The following DMC1 variants were observed in gnomAD, a reference collection of about 807,000 sequenced individuals.
The protein encoded by DMC1 is meiotic recombination protein DMC1 homolog.
DMC1 carries 27 observed loss-of-function variants against 50.1 expected under a neutral mutation model. The observed-to-expected ratio is 0.54, with a 90% CI of 0.40 to 0.74. DMC1 has a LOEUF of 0.74. DMC1 is among the 30% of genes least tolerant of loss of function. The pLI is 0.00. For synonymous variants in DMC1, 148 were observed against 136.1 expected, an observed-to-expected ratio of 1.09 and a Z score of -0.61; for missense variants, 295 against 420.2, an observed-to-expected ratio of 0.70 and a Z score of 2.60.
intron 8 of DMC1, among the ~76,000 whole-genome samples, chr22:38,548,507 C>T (rs796437621): frequency 1.3e-5 from 2 of 152,064 alleles, no homozygotes; most frequent in African/African-American, 4.8e-5. Context: ...CCTGGGAGTT[C>T]GAGTCTGCAG....
chr22:38,568,369 TAGAAGGACAG>T, intron 1 of DMC1, 80 bp from the exon 2 acceptor site: 1 of 1,028,106 alleles, frequency 9.7e-7, no homozygotes, highest in Non-Finnish European at 1.5e-6. Context: ...CAACAAGGAC[TAGAAGGACAG>T]TAAGAGAAGC....
In DMC1 at chr22:38,521,767, A is replaced by G. The variant is rs781586842; in HGVS notation, c.837-43T>C. On this transcript the variant is annotated intron_variant, in intron 12 of 13. Coordinates refer to ENST00000216024, the MANE Select transcript of DMC1 (RefSeq NM_007068.4). Reference sequence around the variant, plus strand: ...TCTTTCAGGTTTCATCATATGGACTATATATGGCAATATCTGCAATTACAA... The same window carrying G: ...TCTTTCAGGTTTCATCATATGGACTGTATATGGCAATATCTGCAATTACAA... 3.9e-6 allele frequency: 5 copies of G among 1,285,114 alleles called. No homozygotes were observed. In the Admixed American group the frequency reaches 8.4e-5, roughly 22 times the overall value. The allele number at this position is 1,285,114 out of a possible 1,614,324, so 79.6% of individuals were successfully genotyped here. A position where few individuals can be genotyped will look rare whatever the true frequency, so the allele number is the denominator to read the frequency against.
intron 4 of DMC1, 53 bp downstream of exon 4, chr22:38,566,537 A>G: frequency 6.2e-7 from 1 of 1,602,878 alleles, no homozygotes; most frequent in Non-Finnish European, 8.5e-7. Context: ...AAAGCCTATA[A>G]AGATTCACAA....
chr22:38,541,463 T>G (rs1278777126), intron 8 of DMC1, among the ~76,000 whole-genome samples: 2 of 152,154 alleles, frequency 1.3e-5, no homozygotes, highest in Non-Finnish European at 2.9e-5. Context: ...AGCTAATTTT[T>G]GTATTTTTAG....
chr22:38,524,796 T>C (rs2090069211), intron 12 of DMC1, among the ~76,000 whole-genome samples: 1 of 152,142 alleles, frequency 6.6e-6, no homozygotes, highest in Non-Finnish European at 1.5e-5. Context: ...TAAAGCACAC[T>C]ACAGGTGGGC....
chr22:38,525,914 A>G (rs929844677), intron 12 of DMC1, among the ~76,000 whole-genome samples: 2 of 152,082 alleles, frequency 1.3e-5, no homozygotes, highest in Admixed American at 6.6e-5. Context: ...CACTCCAGTC[A>G]CTCCAGCCTG....
intron 8 of DMC1, among the ~76,000 whole-genome samples, chr22:38,541,499 C>T (rs2090280594): frequency 6.6e-6 from 1 of 152,152 alleles, no homozygotes; most frequent in African/African-American, 2.4e-5. Context: ...GCCATGTTGG[C>T]CAGGATGGTC....
At position 38,520,870 on chromosome 22, in the gene DMC1, TTTTTTG is replaced by T. The variant is rs1389944970; in HGVS notation, c.953+732_953+737del. On this transcript the variant is annotated intron_variant, in intron 13 of 13. Coordinates refer to ENST00000216024, the MANE Select transcript of DMC1 (RefSeq NM_007068.4). ...TCCCAGGTTATCCAATTCTTTTTTG[TTTTTTG>T]TTTTTGTTTTTTTTTTTTGAGACGG... 2.0e-5 allele frequency among the ~76,000 whole-genome samples: 3 copies of T among 146,538 alleles called. No homozygotes were observed. In the East Asian group the frequency reaches 5.8e-4, roughly 28 times the overall value.
chr22:38,568,452 T>TGTGTGTGTGTGTGTGTGTGTGC (rs2090604075), intron 1 of DMC1, 163 bp from the exon 2 acceptor site: 1 of 338,700 alleles, frequency 3.0e-6, no homozygotes, highest in Non-Finnish European at 5.3e-6. Context: ...CATTATTTCT[T>TGTGTGTGTGTGTGTGTGTGTGC]GTGTGTGTGT....
the DMC1 span, among the ~76,000 whole-genome samples, chr22:38,512,896 C>T: frequency 6.6e-6 from 1 of 152,122 alleles, no homozygotes; most frequent in African/African-American, 2.4e-5. Context: ...CCAGCCTAGC[C>T]AACATGGCAA....
At chr22:38,558,326 T>A (rs1294235711) in intron 5 of DMC1, among the ~76,000 whole-genome samples, 1 of 152,118 alleles carries the variant, frequency 6.6e-6, no homozygotes, top group Non-Finnish European at 1.5e-5. Context: ...AATCTTGTTA[T>A]AAAAGCACCC....
intron 2 of DMC1, 46 bp from the exon 3 acceptor site, chr22:38,567,673 C>T (rs1420425666): frequency 1.4e-6 from 2 of 1,389,512 alleles, no homozygotes; most frequent in South Asian, 1.2e-5. Context: ...TTCTTCATAT[C>T]CAGCTATTTC....
intron 4 of DMC1, among the ~76,000 whole-genome samples, chr22:38,564,594 A>C (rs2090562706): frequency 6.6e-6 from 1 of 152,226 alleles, no homozygotes; most frequent in Admixed American, 6.5e-5. Flanking sequence ...TACAGGCGTA[A>C]GCCACTGCAC....
At chr22:38,549,606 A>G (rs1361194539) in intron 8 of DMC1, 2 of 236,518 alleles carry the variant, frequency 8.5e-6, no homozygotes, top group Non-Finnish European at 1.7e-5. Flanking sequence ...CCTGGGCAAC[A>G]GGGAGATTCC....
In DMC1 at chr22:38,520,104, G is replaced by C. The variant is rs1332518161; in HGVS notation, c.954-15C>G. Reference sequence around the variant, plus strand: ...GCATCTCAGGACTAACAGAATACAAGGGAACAGAAGTTTATAAAAAGCTCT... The same window carrying C: ...GCATCTCAGGACTAACAGAATACAACGGAACAGAAGTTTATAAAAAGCTCT... On this transcript the variant is annotated splice_polypyrimidine_tract_variant and intron_variant, in intron 13 of 13. Transcript: ENST00000216024. 1.2e-6 allele frequency: 2 copies of C among 1,604,322 alleles called. No homozygotes were observed. Among genetic ancestry groups the C allele is most frequent in the Non-Finnish European group, 8.5e-7 (1 of 1,171,538 alleles).
At chr22:38,542,855 T>C (rs2090300738) in intron 8 of DMC1, among the ~76,000 whole-genome samples, 1 of 152,114 alleles carries the variant, frequency 6.6e-6, no homozygotes, top group African/African-American at 2.4e-5. Flanking sequence ...TAAAAACAGA[T>C]GCATAGACCA....
intron 5 of DMC1, among the ~76,000 whole-genome samples, chr22:38,560,651 T>C (rs2090517718): frequency 6.6e-6 from 1 of 152,050 alleles, no homozygotes; most frequent in African/African-American, 2.4e-5. Flanking sequence ...AGTTGAATTA[T>C]ATTCTCACTC....
At chr22:38,537,733 T>G (rs1233665849) in intron 11 of DMC1, 81 bp from the exon 12 acceptor site, 1 of 1,016,812 alleles carries the variant, frequency 9.8e-7, no homozygotes, top group East Asian at 2.4e-5. Flanking sequence ...TTTCAGAGTT[T>G]AGACATATTG....
chr22:38,554,241 A>G (rs2090445412), intron 6 of DMC1, among the ~76,000 whole-genome samples: 1 of 152,098 alleles, frequency 6.6e-6, no homozygotes, highest in Non-Finnish European at 1.5e-5. Context: ...GTAGTCTTAA[A>G]CTGGTGCCAT....
Sources: allele counts gnomAD v4.1 joint callset (sites outside exome capture counted in the v4.1 genomes callset), GRCh38; gene constraint gnomAD v4.1.1; transcripts MANE v1.5; gene names NCBI Gene and HGNC (gene_info 2026-07-23, HGNC 2026-07-21).